Variants in ANO2 observed in about 807,000 individuals in gnomAD.
ANO2 encodes the protein anoctamin 2, also known as anoctamin-2.
In ANO2, 101 loss-of-function variants were observed where a neutral mutation model predicts 124.2. That is an observed-to-expected ratio of 0.81 (90% CI 0.69 to 0.96). The LOEUF is 0.96. Ranked by LOEUF, ANO2 falls within the 40% of genes least tolerant of loss-of-function variation. The pLI is 0.00. For synonymous variants in ANO2, 486 were observed against 482.5 expected, an observed-to-expected ratio of 1.01 and a Z score of -0.09; for missense variants, 1,293 against 1,274.5, an observed-to-expected ratio of 1.01 and a Z score of -0.22.
chr12:5,808,467 C>T (rs1463813667), intron 7 of ANO2, among the ~76,000 whole-genome samples: 1 of 152,036 alleles, frequency 6.6e-6, no homozygotes, highest in East Asian at 1.9e-4. Flanking sequence ...GGGATTATGT[C>T]TCACCAACTC....
At chr12:5,754,982 A>C (rs1951535219) in intron 10 of ANO2, among the ~76,000 whole-genome samples, 1 of 151,864 alleles carries the variant, frequency 6.6e-6, no homozygotes, top group African/African-American at 2.4e-5. Flanking sequence ...TTTTGTAGTT[A>C]CTTGAGATGT....
intron 1 of ANO2, among the ~76,000 whole-genome samples, chr12:5,944,138 C>T (rs1943002683): frequency 6.6e-6 from 1 of 152,184 alleles, no homozygotes; most frequent in Non-Finnish European, 1.5e-5. Flanking sequence ...GCAAATGAGC[C>T]CTGGATGCCC....
At chr12:5,741,833 G>A (rs889305742) in intron 12 of ANO2, among the ~76,000 whole-genome samples, 10 of 152,266 alleles carry the variant, frequency 6.6e-5, no homozygotes, top group South Asian at 4.2e-4. Context: ...CAAGGTAACA[G>A]GGCACCTTGG....
chr12:5,850,364 C>T (rs939015449), intron 4 of ANO2, among the ~76,000 whole-genome samples: 4 of 147,166 alleles, frequency 2.7e-5, no homozygotes, highest in East Asian at 2.0e-4. Flanking sequence ...TGCAGTGAGC[C>T]GAGATTGCAC....
chr12:5,732,597 G>A lies in ANO2; in HGVS notation c.1468C>T (p.Arg490Ter), dbSNP rs750547819. Residue 490 changes from arginine to a stop codon, truncating the protein, a stop_gained, in exon 14 of 25, where the codon CGA becomes TGA. Transcript: ENST00000682330. LOFTEE classifies it high-confidence loss of function. ...TTGCTCTCCTTTAGCATTTTCTCTC[G>A]AACTTTGGTTTCATACTCAGGCCTG... is the stretch of plus-strand genomic sequence containing the variant. ...HSRPEYETKV[R>*]EKMLKESNQS... 3.8e-5 allele frequency: 61 copies of A among 1,613,608 alleles called. No homozygotes were observed. Among genetic ancestry groups the A allele is most frequent in the East Asian group, 4.5e-5 (2 of 44,886 alleles).
chr12:5,882,180 A>C (rs1360657655), intron 3 of ANO2, among the ~76,000 whole-genome samples: 1 of 152,206 alleles, frequency 6.6e-6, no homozygotes, highest in African/African-American at 2.4e-5. Flanking sequence ...TCTGACCTTC[A>C]TCAACTCAGT....
At chr12:5,832,658 ATGGCTTC>A in intron 4 of ANO2, 55 bp from the exon 5 acceptor site, 1 of 1,529,840 alleles carries the variant, frequency 6.5e-7, no homozygotes, top group Admixed American at 2.1e-5. Context: ...GCAGAGAGGA[ATGGCTTC>A]ACAAAAAAAA....
chr12:5,760,187 A>G (rs1951697525), intron 10 of ANO2, among the ~76,000 whole-genome samples: 1 of 152,202 alleles, frequency 6.6e-6, no homozygotes, highest in African/African-American at 2.4e-5. Flanking sequence ...TCTTTTGAAA[A>G]CAAAATTTAC....
intron 14 of ANO2, among the ~76,000 whole-genome samples, chr12:5,727,360 A>C (rs1232295243): frequency 6.6e-6 from 1 of 152,104 alleles, no homozygotes; most frequent in Non-Finnish European, 1.5e-5. Flanking sequence ...CTTAGAAGTC[A>C]AGAAGATACC....
chr12:5,609,759 TG>T (rs1386062827), intron 19 of ANO2, among the ~76,000 whole-genome samples: 1 of 151,824 alleles, frequency 6.6e-6, no homozygotes, highest in Non-Finnish European at 1.5e-5. Flanking sequence ...CCCAAGACCC[TG>T]GTCAAAGAAC....
At chr12:5,580,740 C>G (rs1167987620) in intron 20 of ANO2, among the ~76,000 whole-genome samples, 2 of 152,212 alleles carry the variant, frequency 1.3e-5, no homozygotes, top group African/African-American at 4.8e-5. Context: ...CTTTCCCCAG[C>G]CCAACTGCTT....
At chr12:5,841,871 T>C (rs989206701) in intron 4 of ANO2, among the ~76,000 whole-genome samples, 1 of 152,156 alleles carries the variant, frequency 6.6e-6, no homozygotes, top group Non-Finnish European at 1.5e-5. Context: ...ATTTTACTTT[T>C]TATTTTTTAT....
chr12:5,610,861 A>ACACACACACACAC (rs1565472341), intron 19 of ANO2, among the ~76,000 whole-genome samples: 5 of 82,226 alleles, frequency 6.1e-5, no homozygotes, highest in African/African-American at 1.8e-4. Context: ...CACACACACA[A>ACACACACACACAC]CCCTAAGGGA....
rs1324543833 is a variant in ANO2 at position 5,634,224 on chromosome 12, T to C, written c.1816+928A>G. Among the ~76,000 whole-genome samples, 5 of 152,206 alleles carry C rather than the reference T, an allele frequency of 3.3e-5. No homozygotes were observed. In the East Asian group the frequency reaches 7.7e-4, roughly 23 times the overall value. On this transcript the variant is annotated intron_variant, in intron 16 of 24. Transcript: ENST00000682330. ...AGCAAAGTGCTCACCGTGGGTAGTG[T>C]TACAGTAGAGGCCAAGCAAGGGAAA...
chr12:5,731,582 T>TAA (rs772199386), intron 14 of ANO2, among the ~76,000 whole-genome samples: 3 of 151,824 alleles, frequency 2.0e-5, no homozygotes, highest in Non-Finnish European at 4.4e-5. Flanking sequence ...AAGAAAGACA[T>TAA]AAACTCTCCT....
intron 16 of ANO2, among the ~76,000 whole-genome samples, chr12:5,621,685 C>T (rs554985852): frequency 6.6e-5 from 10 of 152,220 alleles, no homozygotes; most frequent in African/African-American, 2.4e-4. Flanking sequence ...GTTCTGGATT[C>T]ACTCTTGGGG....
At chr12:5,799,294 A>C (rs1952965525) in intron 10 of ANO2, among the ~76,000 whole-genome samples, 1 of 152,176 alleles carries the variant, frequency 6.6e-6, no homozygotes, top group African/African-American at 2.4e-5. Flanking sequence ...TGGTCTATCA[A>C]TCTACAGTAT....
chr12:5,643,115 C>T (rs1244546751), intron 15 of ANO2, among the ~76,000 whole-genome samples: 1 of 151,696 alleles, frequency 6.6e-6, no homozygotes, highest in Non-Finnish European at 1.5e-5. Flanking sequence ...CCAATATAGC[C>T]CAGACCAGCA....
chr12:5,930,961 C>T (rs532776863), intron 1 of ANO2, among the ~76,000 whole-genome samples: 2 of 152,260 alleles, frequency 1.3e-5, no homozygotes, highest in East Asian at 1.9e-4. Context: ...CACATGCCCC[C>T]CTTTCCTGAT....
Sources: allele counts gnomAD v4.1 joint callset (sites outside exome capture counted in the v4.1 genomes callset), GRCh38; gene constraint gnomAD v4.1.1; transcripts MANE v1.5; gene names NCBI Gene and HGNC (gene_info 2026-07-23, HGNC 2026-07-21).